NPEPL1: variants seen among roughly 807,000 people sequenced by gnomAD.
NPEPL1 encodes the protein probable aminopeptidase NPEPL1.
A neutral mutation model predicts 52.4 loss-of-function variants in NPEPL1; 45 were observed. That is an observed-to-expected ratio of 0.86 (90% CI 0.68 to 1.10). The LOEUF is 1.10. NPEPL1 is among the 50% of genes least tolerant of loss of function. NPEPL1 has a pLI of 0.00. For synonymous variants in NPEPL1, 360 were observed against 314.7 expected, an observed-to-expected ratio of 1.14 and a Z score of -1.52; for missense variants, 696 against 710.9, an observed-to-expected ratio of 0.98 and a Z score of 0.24.
intron 2 of NPEPL1, 44 bp downstream of exon 2, chr20:58,693,966 C>T: frequency 1.3e-6 from 2 of 1,507,036 alleles, no homozygotes; most frequent in Non-Finnish European, 1.8e-6. Context: ...CCTAGTCGGG[C>T]AGCGGTGAGC....
intron 1 of NPEPL1, 97 bp downstream of exon 1, chr20:58,693,147 C>A: frequency 1.2e-6 from 1 of 862,556 alleles, no homozygotes; most frequent in Non-Finnish European, 1.4e-6. Context: ...CCCCCGCCGC[C>A]GCCGGGCCGG....
intron 7 of NPEPL1, among the ~76,000 whole-genome samples, chr20:58,708,846 G>T (rs79355098): frequency 0.03 from 4,594 of 152,134 alleles, 262 homozygotes; most frequent in African/African-American, 0.11. Flanking sequence ...AGCAGTTGCT[G>T]CTCTGGGGTG....
chr20:58,691,703 T>TTTTTTTTTTTTTTTTTTTG, upstream of NPEPL1: 1 of 745,536 alleles, frequency 1.3e-6, no homozygotes, highest in Non-Finnish European at 2.1e-6. Context: ...CTTTTTTTTT[T>TTTTTTTTTTTTTTTTTTTG]TTTTTTTTTT....
At chr20:58,714,964 C>A (rs1230793157) in intron 11 of NPEPL1, 7 of 648,126 alleles carry the variant, frequency 1.1e-5, no homozygotes, top group Non-Finnish European at 1.8e-5. Flanking sequence ...GGCCTTGCCC[C>A]CTGCCTACGC....
At position 58,698,733 on chromosome 20, in the gene NPEPL1, A is replaced by T. The variant is rs751412438; in HGVS notation, c.557A>T (p.Asp186Val). 2.5e-6 allele frequency: 4 copies of T among 1,612,780 alleles called. No homozygotes were observed. Residue 186 changes from aspartate to valine, a missense_variant, in exon 4 of 12, where the codon GAC becomes GTC. Asp to Val is a radical substitution (Grantham distance 152, BLOSUM62 -3). Transcript: ENST00000356091. ...GTGCGGCTAGCAGCCCGCATCGTGG[A>T]CACACCCTGCAATGAGATGAACACC... ...DGVRLAARIV[D>V]TPCNEMNTDT... is the part of the protein sequence containing the mutation.
At chr20:58,692,076 C>A, upstream of NPEPL1, 1 of 537,212 alleles carries the variant, frequency 1.9e-6, no homozygotes, top group Non-Finnish European at 3.3e-6. This position sits in a 1 kb window ranked among gnomAD's most constrained non-coding sequence, Gnocchi z 5.7. Flanking sequence ...TCCCTCCTTT[C>A]CTGCTTAGAC....
rs78835326 is a variant in NPEPL1 at position 58,715,428 on chromosome 20, T to C, written c.*102T>C. 5.4e-3 allele frequency: 6,871 copies of C among 1,274,600 alleles called. 343 individuals are homozygous for C. The African/African-American group carries it at 0.096, about 18-fold the overall frequency. 79.0% of individuals were successfully genotyped at this position (1,274,600 alleles called of 1,614,324 possible). ...TGCCCTTCATATGGGTTTTGGTTTG[T>C]CTTTCTGGTCGTCAGCGTGGTGGTG... is the stretch of plus-strand genomic sequence containing the variant. On this transcript the variant is annotated 3_prime_UTR_variant, in exon 12 of 12. Transcript: ENST00000356091.
At chr20:58,710,070 GCT>G (rs1447725728) in intron 7 of NPEPL1, among the ~76,000 whole-genome samples, 1 of 128,248 alleles carries the variant, frequency 7.8e-6, no homozygotes, top group Non-Finnish European at 1.5e-5. Context: ...ATGGTGTCTT[GCT>G]CTGTTGCCCA....
At chr20:58,714,399 T>G in intron 10 of NPEPL1, 161 bp from the exon 11 acceptor site, 1 of 620,212 alleles carries the variant, frequency 1.6e-6, no homozygotes, top group South Asian at 2.0e-5. Context: ...CCTTAGCTCA[T>G]GGTCAAGGCC....
In NPEPL1 at chr20:58,714,093, G is replaced by A. The variant is rs558691244; in HGVS notation, c.1302G>A (p.Ala434=). The A allele has an allele frequency of 8.9e-5, 137 of 1,544,114 alleles. No homozygotes were observed. Among genetic ancestry groups the A allele is most frequent in the Middle Eastern group, 7.7e-4 (4 of 5,226 alleles). Residue 434 remains alanine (A), a splice_region_variant and synonymous_variant, in exon 10 of 12, where the codon GCG becomes GCA. Transcript: ENST00000356091. ...TGGCGGACATGAAGAACTCAGTGGC[G>A]GTAGGTTTGGAGCCTCGAACCTGGA... ...SAVADMKNSV[A]DRDNSPSSCA...
intron 6 of NPEPL1, among the ~76,000 whole-genome samples, chr20:58,705,224 A>C (rs1478441585): frequency 6.6e-6 from 1 of 152,134 alleles, no homozygotes; most frequent in African/African-American, 2.4e-5. Context: ...CAGATACCTA[A>C]ATCCAATTAA....
chr20:58,696,186 TC>T (rs1568848676), intron 3 of NPEPL1, among the ~76,000 whole-genome samples: 1 of 152,110 alleles, frequency 6.6e-6, no homozygotes, highest in Non-Finnish European at 1.5e-5. Context: ...CTCAGTCCCT[TC>T]CCCTCCTGTG....
upstream of NPEPL1, chr20:58,691,043 C>T (rs1452179143): frequency 1.4e-6 from 1 of 700,260 alleles, no homozygotes; most frequent in South Asian, 1.5e-5. Context: ...GGACTTCTCC[C>T]ACGTGGAAGG....
chr20:58,692,944 C>T lies in NPEPL1; in HGVS notation c.44C>T (p.Ser15Leu), dbSNP rs1204344600. The T allele has an allele frequency of 3.4e-6, 4 of 1,161,268 alleles. No individual in the cohort carries two copies. Among genetic ancestry groups the T allele is most frequent in the Middle Eastern group, 3.1e-4 (1 of 3,278 alleles). 71.9% of individuals were successfully genotyped at this position (1,161,268 alleles called of 1,614,324 possible). The change falls in exon 1 of 12, where the codon TCG becomes TTG. Residue 15 changes from serine to leucine, a missense_variant. Transcript: ENST00000356091. This position sits in a 1 kb window ranked among gnomAD's most constrained non-coding sequence, Gnocchi z 5.7. ...GLQFQASAGDSDPQSRPLLLL... is the reference protein window; with the variant it reads ...GLQFQASAGDLDPQSRPLLLL... ...CAGTTCCAGGCGAGCGCGGGGGACT[C>T]GGACCCACAGAGCCGGCCCCTGCTG... is the stretch of plus-strand genomic sequence containing the variant.
In NPEPL1 at chr20:58,711,110, C is replaced by CCCTCCTCCCCCTCTCCT. The variant is rs1555851553; in HGVS notation, c.901-1358_901-1342dup. On this transcript the variant is annotated intron_variant, in intron 7 of 11. Transcript: ENST00000356091. ...GCCTCCTCTCCTCCTCCTCCTCCCC[C>CCCTCCTCCCCCTCTCCT]CCTCCTCCCCCTCTCCTCCTCCTCC... 8.3e-4 allele frequency: 59 copies of CCCTCCTCCCCCTCTCCT among 71,240 alleles called. No individual in the cohort carries two copies. The African/African-American group carries it at 9.8e-3, about 12-fold the overall frequency. The allele number at this position is 71,240 out of a possible 1,614,324, so 4.4% of individuals were successfully genotyped here.
At chr20:58,698,454 G>A (rs944615939) in intron 3 of NPEPL1, among the ~76,000 whole-genome samples, 9 of 152,160 alleles carry the variant, frequency 5.9e-5, no homozygotes, top group Middle Eastern at 3.2e-3. Context: ...TTGTGGAGGC[G>A]CAGGGTGGTG....
rs1014528058 is a variant in NPEPL1, at chr20:58,715,664, C to T, written c.*338C>T. ...CCCCAGGTCCTGTGCAGGGCACCTG[C>T]GTGGCTGACAGCCAGGCTCTTACTC... On this transcript the variant is annotated 3_prime_UTR_variant, in exon 12 of 12. Transcript: ENST00000356091. 1.6e-5 allele frequency: 3 copies of T among 191,642 alleles called. No homozygotes were observed. Among genetic ancestry groups the T allele is most frequent in the East Asian group, 1.4e-4 (1 of 7,024 alleles). 11.9% of individuals were successfully genotyped at this position (191,642 alleles called of 1,614,324 possible).
upstream of NPEPL1, among the ~76,000 whole-genome samples, chr20:58,690,007 C>T (rs1568842973): frequency 6.6e-6 from 1 of 152,138 alleles, no homozygotes; most frequent in African/African-American, 2.4e-5. Context: ...CTGAGAGCCT[C>T]GTGGCAATCA....
chr20:58,715,646 T>G lies in NPEPL1; in HGVS notation c.*320T>G. ...CCTGGTGCCCTGTCCCAGCCCCAGG[T>G]CCTGTGCAGGGCACCTGCGTGGCTG... On this transcript the variant is annotated 3_prime_UTR_variant, in exon 12 of 12. Transcript: ENST00000356091. The G allele has an allele frequency of 4.1e-6, 1 of 242,878 alleles. No individual in the cohort carries two copies. Among genetic ancestry groups the G allele is most frequent in the Non-Finnish European group, 7.9e-6 (1 of 126,762 alleles). The allele number at this position is 242,878 out of a possible 1,614,324, so 15.0% of individuals were successfully genotyped here. A position where few individuals can be genotyped will look rare whatever the true frequency, so the allele number is the denominator to read the frequency against.
Sources: allele counts gnomAD v4.1 joint callset (sites outside exome capture counted in the v4.1 genomes callset), GRCh38; gene constraint gnomAD v4.1.1; non-coding constraint Gnocchi (gnomAD v3.1); transcripts MANE v1.5; gene names NCBI Gene and HGNC (gene_info 2026-07-23, HGNC 2026-07-21).